KCNIP4: variants seen among roughly 807,000 people sequenced by gnomAD.
KCNIP4 encodes potassium voltage-gated channel interacting protein 4, also known as Kv channel-interacting protein 4.
Under a neutral mutation model 34.0 loss-of-function variants are expected in KCNIP4, and 12 were observed. The ratio of observed to expected loss-of-function variants is 0.35; its 90% confidence interval spans 0.23 to 0.57. KCNIP4 has a LOEUF of 0.57. KCNIP4 is among the 20% of genes least tolerant of loss of function. The pLI is 0.83. For missense variants in KCNIP4, 238 were observed against 311.7 expected (o/e 0.76, Z 1.78); for synonymous variants, 124 against 102.2 (o/e 1.21, Z -1.29).
At chr4:21,405,169 G>A (rs1723865377) in intron 1 of KCNIP4, among the ~76,000 whole-genome samples, 2 of 152,102 alleles carry the variant, frequency 1.3e-5, no homozygotes, top group South Asian at 4.1e-4. Context: ...TCTCCCTGAA[G>A]TTCTTAGTAA....
chr4:20,817,980 A>C (rs761108794), intron 3 of KCNIP4, among the ~76,000 whole-genome samples: 10 of 152,188 alleles, frequency 6.6e-5, no homozygotes, highest in Non-Finnish European at 1.5e-4. Flanking sequence ...TATTCTTTAG[A>C]GCTATGCTTT....
At chr4:21,237,142 C>G (rs147077426) in intron 1 of KCNIP4, among the ~76,000 whole-genome samples, 1 of 151,826 alleles carries the variant, frequency 6.6e-6, no homozygotes, top group Non-Finnish European at 1.5e-5. Flanking sequence ...ATATAACAAA[C>G]GGTTAATCAG....
intron 1 of KCNIP4, among the ~76,000 whole-genome samples, chr4:21,510,863 A>G (rs1577491458): frequency 8.6e-6 from 1 of 115,978 alleles, no homozygotes; most frequent in East Asian, 3.0e-4. Flanking sequence ...CTAAAAATAC[A>G]AAATAAAAAT....
rs114815707 is a variant in KCNIP4, at chr4:20,941,225, G to T, written c.62-58516C>A. 4.2e-3 allele frequency among the ~76,000 whole-genome samples: 633 copies of T among 152,262 alleles called. 5 individuals are homozygous for T. The highest frequency in any genetic ancestry group is 0.014 in the African/African-American group (602 of 41,554). ...ATAATGACAACAGGTCTTCTCAAAA[G>T]ATGATTTCTCAGTAAAATAAAATTA... On this transcript the variant is annotated intron_variant, in intron 1 of 8. Coordinates refer to ENST00000382152, the MANE Select transcript of KCNIP4 (RefSeq NM_025221.6).
At chr4:21,668,589 T>C (rs970116) in intron 1 of KCNIP4, among the ~76,000 whole-genome samples, 45,555 of 151,980 alleles carry the variant, frequency 0.3, 8,343 homozygotes, top group East Asian at 0.83. Flanking sequence ...ACTAAAATTA[T>C]TACAAATATT....
At chr4:20,861,322 A>T (rs949787163) in intron 2 of KCNIP4, among the ~76,000 whole-genome samples, 1 of 152,094 alleles carries the variant, frequency 6.6e-6, no homozygotes, top group African/African-American at 2.4e-5. Flanking sequence ...ATTACTATTC[A>T]CCCATCCACC....
At chr4:21,940,501 T>G (rs746346541) in intron 1 of KCNIP4, among the ~76,000 whole-genome samples, 1 of 152,210 alleles carries the variant, frequency 6.6e-6, no homozygotes, top group Non-Finnish European at 1.5e-5. Context: ...CAATGCCTCA[T>G]GCATATTCAG....
intron 1 of KCNIP4, among the ~76,000 whole-genome samples, chr4:21,180,043 A>G (rs1428023709): frequency 6.6e-6 from 1 of 152,184 alleles, no homozygotes; most frequent in Non-Finnish European, 1.5e-5. Context: ...TTTTCCATCA[A>G]GAGCTTTAAC....
At chr4:21,484,043 C>T (rs1043132261) in intron 1 of KCNIP4, among the ~76,000 whole-genome samples, 1 of 151,490 alleles carries the variant, frequency 6.6e-6, no homozygotes, top group Non-Finnish European at 1.5e-5. Flanking sequence ...GCAGGTATTT[C>T]TTTGTAGCAG....
At chr4:21,064,867 A>T (rs182050384) in intron 1 of KCNIP4, among the ~76,000 whole-genome samples, 165 of 152,346 alleles carry the variant, frequency 1.1e-3, no homozygotes, top group African/African-American at 3.9e-3. Flanking sequence ...TACAAGAAAA[A>T]TCTCTCAAGA....
intron 1 of KCNIP4, among the ~76,000 whole-genome samples, chr4:21,055,479 G>C (rs1743320015): frequency 6.6e-6 from 1 of 152,150 alleles, no homozygotes; most frequent in South Asian, 2.1e-4. Context: ...GATATTTATA[G>C]TAGGTTTGTT....
At chr4:21,488,984 T>C (rs1245153003) in intron 1 of KCNIP4, among the ~76,000 whole-genome samples, 1 of 152,064 alleles carries the variant, frequency 6.6e-6, no homozygotes, top group Admixed American at 6.6e-5. Flanking sequence ...TATAAGAAAA[T>C]AATTTAAGAG....
intron 1 of KCNIP4, among the ~76,000 whole-genome samples, chr4:21,027,405 G>A (rs1398315389): frequency 6.6e-6 from 1 of 151,948 alleles, no homozygotes; most frequent in South Asian, 2.1e-4. Flanking sequence ...TAAATCAAGA[G>A]CATTTGGCAT....
At chr4:21,892,470 C>G (rs1727153282) in intron 1 of KCNIP4, among the ~76,000 whole-genome samples, 1 of 144,564 alleles carries the variant, frequency 6.9e-6, no homozygotes, top group Admixed American at 7.2e-5. Context: ...GTGAAAATTT[C>G]TGGGGCTCTA....
At chr4:21,527,635 ACT>A (rs780356844) in intron 1 of KCNIP4, among the ~76,000 whole-genome samples, 1 of 152,158 alleles carries the variant, frequency 6.6e-6, no homozygotes, top group Non-Finnish European at 1.5e-5. Context: ...TTGTTAAATG[ACT>A]CTTACATTGT....
At chr4:21,178,114 T>C (rs1454845924) in intron 1 of KCNIP4, among the ~76,000 whole-genome samples, 1 of 152,158 alleles carries the variant, frequency 6.6e-6, no homozygotes, top group Non-Finnish European at 1.5e-5. Flanking sequence ...CATAAGGCAC[T>C]ATCATTTCTA....
intron 1 of KCNIP4, among the ~76,000 whole-genome samples, chr4:20,972,375 G>C (rs531269743): frequency 1.8e-4 from 28 of 151,880 alleles, no homozygotes; most frequent in African/African-American, 6.3e-4. Flanking sequence ...AGATGTGAAA[G>C]TCAAAATTAC....
intron 1 of KCNIP4, among the ~76,000 whole-genome samples, chr4:20,922,614 C>T (rs929312989): frequency 6.7e-6 from 1 of 150,038 alleles, no homozygotes; most frequent in Non-Finnish European, 1.5e-5. Context: ...TCTGGAGAAC[C>T]CTGACTAATA....
intron 1 of KCNIP4, among the ~76,000 whole-genome samples, chr4:21,706,132 GA>G: frequency 6.6e-6 from 1 of 152,148 alleles, no homozygotes; most frequent in East Asian, 1.9e-4. Flanking sequence ...ATTTGGATTA[GA>G]TATAACTACC....
Sources: allele counts gnomAD v4.1 joint callset (sites outside exome capture counted in the v4.1 genomes callset), GRCh38; gene constraint gnomAD v4.1.1; transcripts MANE v1.5; gene names NCBI Gene and HGNC (gene_info 2026-07-23, HGNC 2026-07-21).